MNS1: variants seen among roughly 807,000 people sequenced by gnomAD.
MNS1 encodes the protein meiosis-specific nuclear structural protein 1.
MNS1 carries 63 observed loss-of-function variants against 72.0 expected under a neutral mutation model. That is an observed-to-expected ratio of 0.87 (90% CI 0.71 to 1.08). MNS1 has a LOEUF of 1.08. MNS1 is among the 50% of genes least tolerant of loss of function. The pLI is 0.00. For synonymous variants in MNS1, 188 were observed against 172.1 expected, an observed-to-expected ratio of 1.09 and a Z score of -0.72; for missense variants, 604 against 562.4, an observed-to-expected ratio of 1.07 and a Z score of -0.75.
At chr15:56,437,985 A>G (rs2050756911) in intron 7 of MNS1, among the ~76,000 whole-genome samples, 2 of 152,236 alleles carry the variant, frequency 1.3e-5, no homozygotes, top group African/African-American at 4.8e-5. Flanking sequence ...CAAATGGAAG[A>G]ACATTCCATG....
intron 2 of MNS1, among the ~76,000 whole-genome samples, chr15:56,459,159 G>A (rs2051001128): frequency 6.6e-6 from 1 of 151,868 alleles, no homozygotes; most frequent in South Asian, 2.1e-4. Context: ...TCTATTTTTT[G>A]TCTCCATGGA....
At chr15:56,458,736 T>G (rs2050997182) in intron 2 of MNS1, among the ~76,000 whole-genome samples, 1 of 152,206 alleles carries the variant, frequency 6.6e-6, no homozygotes, top group Non-Finnish European at 1.5e-5. Flanking sequence ...CTTCTTTCAC[T>G]TAGTAATATG....
intron 7 of MNS1, among the ~76,000 whole-genome samples, chr15:56,438,953 T>C (rs879122450): frequency 6.6e-6 from 1 of 152,082 alleles, no homozygotes; most frequent in Non-Finnish European, 1.5e-5. Context: ...CTGGAAATTT[T>C]AGCCAGCATG....
Position 56,434,060 on chromosome 15 carries a change from G to C in MNS1, c.1269+78C>G. ...ATTGTCTGGCATATAAAGCTTCTCA[G>C]TAAATGTTTAGTGGATGATAGATGA... On this transcript the variant is annotated intron_variant, in intron 8 of 9. Coordinates refer to ENST00000260453, the MANE Select transcript of MNS1 (RefSeq NM_018365.4). 5 of 1,442,794 alleles carry C rather than the reference G, an allele frequency of 3.5e-6. No individual in the cohort carries two copies. The East Asian group carries it at 6.8e-5, about 20-fold the overall frequency. The allele number at this position is 1,442,794 out of a possible 1,614,324, so 89.4% of individuals were successfully genotyped here.
chr15:56,463,990 A>G (rs759334370), intron 2 of MNS1, 36 bp downstream of exon 2: 61 of 1,544,810 alleles, frequency 3.9e-5, no homozygotes, highest in Admixed American at 2.3e-4. Flanking sequence ...AAGGTGCAAA[A>G]TGAAAAAAAA....
intron 7 of MNS1, among the ~76,000 whole-genome samples, chr15:56,439,288 C>A (rs2050780112): frequency 6.6e-6 from 1 of 152,096 alleles, no homozygotes. Flanking sequence ...AAAGGGAGAG[C>A]CAAATTGTGT....
Position 56,434,283 on chromosome 15 carries a change from A to C in MNS1, c.1124T>G (p.Phe375Cys), listed in dbSNP as rs748248005. ...AAATTTAGCTAGCATAGTTTTTCTA[A>C]AGTTCTCCTCTTCCTCTTTTGCAGC... is the stretch of plus-strand genomic sequence containing the variant. ...LQAAKEEEENFRKTMLAKFAE... is the reference protein window; with the variant it reads ...LQAAKEEEENCRKTMLAKFAE... Residue 375 changes from phenylalanine to cysteine, a missense_variant, in exon 8 of 10, where the codon TTT becomes TGT. Transcript: ENST00000260453. 1.9e-6 allele frequency: 3 copies of C among 1,613,914 alleles called. No homozygotes were observed. The highest frequency in any genetic ancestry group is 2.5e-6 in the Non-Finnish European group (3 of 1,179,914).
intron 2 of MNS1, among the ~76,000 whole-genome samples, chr15:56,460,222 T>C (rs2140382398): frequency 6.6e-6 from 1 of 151,552 alleles, no homozygotes; most frequent in Middle Eastern, 3.4e-3. Context: ...AGCAATTTAA[T>C]TAGTTGCATT....
intron 8 of MNS1, among the ~76,000 whole-genome samples, chr15:56,432,868 T>A (rs1467583818): frequency 6.6e-6 from 1 of 152,192 alleles, no homozygotes; most frequent in African/African-American, 2.4e-5. Context: ...TTAAAAGAAG[T>A]CATGTAAGTC....
chr15:56,431,946 G>A (rs541718630), intron 8 of MNS1, among the ~76,000 whole-genome samples: 1 of 152,068 alleles, frequency 6.6e-6, no homozygotes, highest in South Asian at 2.1e-4. Flanking sequence ...AATTCCACTA[G>A]TATTTCTTAG....
At chr15:56,456,578 A>C in intron 2 of MNS1, 57 bp from the exon 3 acceptor site, 8 of 1,570,988 alleles carry the variant, frequency 5.1e-6, no homozygotes, top group Non-Finnish European at 6.9e-6. Flanking sequence ...TTTTTCATCA[A>C]GGTTGAATTT....
chr15:56,450,524 G>T (rs2050940542), intron 3 of MNS1, among the ~76,000 whole-genome samples: 1 of 152,006 alleles, frequency 6.6e-6, no homozygotes, highest in South Asian at 2.1e-4. Context: ...GTCCTTTTGT[G>T]TCTCGCTTAC....
Position 56,460,009 on chromosome 15 carries a change from A to AAAAAAAAAAAAATATAT in MNS1, c.226-3489_226-3488insATATATTTTTTTTTTTT. The stretch of plus-strand genomic sequence containing the variant: ...CTGTCTCAAAAAAAAAAAAAAAAAA[A>AAAAAAAAAAAAATATAT]ATACATATATATATATATATATATA... On this transcript the variant is annotated intron_variant, in intron 2 of 9. Transcript: ENST00000260453. Among the ~76,000 whole-genome samples, 32 of 26,380 alleles carry AAAAAAAAAAAAATATAT rather than the reference A, an allele frequency of 1.2e-3. 8 individuals are homozygous for AAAAAAAAAAAAATATAT. Among genetic ancestry groups the AAAAAAAAAAAAATATAT allele is most frequent in the East Asian group, 2.3e-3 (2 of 876 alleles). The allele number at this position is 26,380 out of a possible 152,430, so 17.3% of individuals were successfully genotyped here.
intron 1 of MNS1, 133 bp from the exon 2 acceptor site, chr15:56,464,380 C>T (rs1210654986): frequency 3.0e-6 from 2 of 659,228 alleles, no homozygotes; most frequent in Non-Finnish European, 5.1e-6. Flanking sequence ...AGGAGTATAC[C>T]GAATAAAAAG....
chr15:56,453,307 C>G (rs940623672), intron 3 of MNS1, among the ~76,000 whole-genome samples: 6 of 152,104 alleles, frequency 3.9e-5, no homozygotes, highest in Non-Finnish European at 5.9e-5. Context: ...CATTTTTCTT[C>G]TTCTATTAAT....
chr15:56,440,586 T>C (rs186314234), intron 7 of MNS1, among the ~76,000 whole-genome samples: 48 of 152,208 alleles, frequency 3.2e-4, no homozygotes, highest in Non-Finnish European at 5.0e-4. Context: ...AATGGGCAAA[T>C]GGTCAAATAA....
At chr15:56,436,639 A>C (rs1390927233) in intron 7 of MNS1, among the ~76,000 whole-genome samples, 1 of 152,162 alleles carries the variant, frequency 6.6e-6, no homozygotes, top group East Asian at 1.9e-4. Flanking sequence ...AGACACAAAA[A>C]ACCCTTCAAA....
chr15:56,459,480 A>G (rs2051002764), intron 2 of MNS1, among the ~76,000 whole-genome samples: 1 of 152,156 alleles, frequency 6.6e-6, no homozygotes, highest in South Asian at 2.1e-4. Context: ...TATATTTAGT[A>G]CCCAGCTACA....
intron 8 of MNS1, among the ~76,000 whole-genome samples, chr15:56,432,859 T>C (rs2050634449): frequency 1.3e-5 from 2 of 152,210 alleles, no homozygotes; most frequent in Non-Finnish European, 1.5e-5. Context: ...TGTATAGTTT[T>C]AAAAGAAGTC....
Sources: allele counts gnomAD v4.1 joint callset (sites outside exome capture counted in the v4.1 genomes callset), GRCh38; gene constraint gnomAD v4.1.1; transcripts MANE v1.5; gene names NCBI Gene and HGNC (gene_info 2026-07-23, HGNC 2026-07-21).